SLC24A3: variants seen among roughly 807,000 people sequenced by gnomAD.
The protein encoded by SLC24A3 is solute carrier family 24 member 3.
In SLC24A3, 28 loss-of-function variants were observed where a neutral mutation model predicts 75.8. That is an observed-to-expected ratio of 0.37 (90% CI 0.27 to 0.51). The LOEUF (loss-of-function observed/expected upper bound fraction) is 0.51, where lower values mean the gene tolerates loss of function less well. SLC24A3 is among the 20% of genes least tolerant of loss of function. The probability of loss-of-function intolerance (pLI) is 0.94; values close to 1 mark genes in which losing one functional copy is unlikely to be tolerated. For synonymous variants in SLC24A3, 372 were observed against 334.1 expected (o/e 1.11, Z -1.24); for missense variants, 663 against 847.8 (o/e 0.78, Z 2.71).
intron 15 of SLC24A3, among the ~76,000 whole-genome samples, chr20:19,705,724 A>G (rs904921543): frequency 6.6e-6 from 1 of 152,034 alleles, no homozygotes; most frequent in African/African-American, 2.4e-5. Flanking sequence ...TCTCATCTAG[A>G]TGGGATTTCC....
intron 3 of SLC24A3, among the ~76,000 whole-genome samples, chr20:19,550,298 T>G (rs1161780044): frequency 6.6e-6 from 1 of 152,248 alleles, no homozygotes; most frequent in East Asian, 1.9e-4. Flanking sequence ...TTAAAAAAAA[T>G]TAGAGGAAAA....
At position 19,658,983 on chromosome 20, in the gene SLC24A3, T is replaced by C. The variant is rs148766977; in HGVS notation, c.687+4847T>C. ...TACATAATGAGGTAATTTACATAAA[T>C]GCAAATGATTCATTACATAGGCAGT... On this transcript the variant is annotated intron_variant, in intron 7 of 16. Transcript: ENST00000328041. Among the ~76,000 whole-genome samples, 450 of 152,356 alleles carry C rather than the reference T, an allele frequency of 3.0e-3. 3 individuals carry two copies. The highest frequency in any genetic ancestry group is 0.01 in the African/African-American group (432 of 41,578).
intron 3 of SLC24A3, among the ~76,000 whole-genome samples, chr20:19,535,262 G>A (rs1451966484): frequency 6.6e-6 from 1 of 152,118 alleles, no homozygotes; most frequent in African/African-American, 2.4e-5. Flanking sequence ...TGATTCCCTT[G>A]GTCAGTAATT....
intron 2 of SLC24A3, among the ~76,000 whole-genome samples, chr20:19,325,795 T>TATATATAGAGAGAG (rs1251419875): frequency 8.9e-5 from 6 of 67,794 alleles, no homozygotes; most frequent in East Asian, 6.3e-4. Flanking sequence ...TATATATATA[T>TATATATAGAGAGAG]AGAGAGAGAG....
At chr20:19,595,571 T>A (rs1177449521) in intron 6 of SLC24A3, among the ~76,000 whole-genome samples, 1 of 152,168 alleles carries the variant, frequency 6.6e-6, no homozygotes, top group African/African-American at 2.4e-5. Context: ...TGGGTAGCAT[T>A]TGAGACACAG....
At chr20:19,523,340 T>C (rs1211811587) in intron 3 of SLC24A3, among the ~76,000 whole-genome samples, 1 of 152,148 alleles carries the variant, frequency 6.6e-6, no homozygotes, top group South Asian at 2.1e-4. Flanking sequence ...AAGAGAAAAA[T>C]GATTAGAATA....
rs1983823728 is a variant in SLC24A3 at position 19,286,547 on chromosome 20, A to G, written c.271+5460A>G. 2.6e-5 allele frequency among the ~76,000 whole-genome samples: 4 copies of G among 152,192 alleles called. No individual in the cohort carries two copies. In the South Asian group the frequency reaches 8.3e-4, roughly 32 times the overall value. On this transcript the variant is annotated intron_variant, in intron 2 of 16. Coordinates refer to ENST00000328041, the MANE Select transcript of SLC24A3 (RefSeq NM_020689.4). Reference sequence around the variant, plus strand: ...TTGTCATCTTTTACATGAAAAAAACAAGAACCAGAGGGGATAAACAACCGC... The same window carrying G: ...TTGTCATCTTTTACATGAAAAAAACGAGAACCAGAGGGGATAAACAACCGC...
rs566837693 is a variant in SLC24A3 at position 19,346,789 on chromosome 20, A to G, written c.271+65702A>G. On this transcript the variant is annotated intron_variant, in intron 2 of 16. Coordinates refer to ENST00000328041, the MANE Select transcript of SLC24A3 (RefSeq NM_020689.4). ...ACAGAAATCTCAGAAATCACCACTGAAGAAATTATTCATGTAACCAAACAC... is the reference window on the plus strand; with the variant it reads ...ACAGAAATCTCAGAAATCACCACTGGAGAAATTATTCATGTAACCAAACAC... Among the ~76,000 whole-genome samples, 3 of 152,294 alleles carry G rather than the reference A, an allele frequency of 2.0e-5. No homozygotes were observed. The South Asian group carries it at 6.2e-4, about 32-fold the overall frequency.
In SLC24A3 at chr20:19,526,960, A is replaced by C. The variant is rs192696749; in HGVS notation, c.348+11396A>C. On this transcript the variant is annotated intron_variant, in intron 3 of 16. Transcript: ENST00000328041. ...TTTTATTTCAGTATCCCCATAATCCATGTGATGACTATGTTTGCAGTCTTG... is the reference window on the plus strand; with the variant it reads ...TTTTATTTCAGTATCCCCATAATCCCTGTGATGACTATGTTTGCAGTCTTG... Among the ~76,000 whole-genome samples the C allele has an allele frequency of 2.0e-5, 3 of 152,120 alleles. No individual in the cohort carries two copies. The East Asian group carries it at 5.8e-4, about 29-fold the overall frequency.
chr20:19,427,091 CTGTG>C (rs759714436), intron 2 of SLC24A3, among the ~76,000 whole-genome samples: 6 of 151,930 alleles, frequency 3.9e-5, no homozygotes, highest in Non-Finnish European at 7.4e-5. Flanking sequence ...GCGTGTGTCT[CTGTG>C]TGCATGTGTA....
At chr20:19,617,292 C>T (rs1212149814) in intron 6 of SLC24A3, among the ~76,000 whole-genome samples, 1 of 152,154 alleles carries the variant, frequency 6.6e-6, no homozygotes, top group Admixed American at 6.5e-5. Flanking sequence ...TGCTGTGCCA[C>T]CCACCTCTGC....
chr20:19,684,980 C>A, intron 11 of SLC24A3, 120 bp from the exon 12 acceptor site: 2 of 1,309,348 alleles, frequency 1.5e-6, no homozygotes, highest in East Asian at 2.4e-5. Context: ...AAACTTGACT[C>A]CAGGGTCTTC....
chr20:19,721,498 A>C lies in SLC24A3; in HGVS notation c.*358A>C. Reference sequence around the variant, plus strand: ...CCCTCCTCCTTTTTTAAGTTATTTGATGGAAGACTCACCTAATTTGTGACC... The same window carrying C: ...CCCTCCTCCTTTTTTAAGTTATTTGCTGGAAGACTCACCTAATTTGTGACC... On this transcript the variant is annotated 3_prime_UTR_variant, in exon 17 of 17. Transcript: ENST00000328041. The C allele has an allele frequency of 5.0e-6, 1 of 200,962 alleles. No homozygotes were observed. Among genetic ancestry groups the C allele is most frequent in the Non-Finnish European group, 1.0e-5 (1 of 99,974 alleles). 12.4% of individuals were successfully genotyped at this position (200,962 alleles called of 1,614,324 possible).
At chr20:19,313,139 C>T (rs1045622127) in intron 2 of SLC24A3, among the ~76,000 whole-genome samples, 2 of 143,380 alleles carry the variant, frequency 1.4e-5, no homozygotes, top group African/African-American at 5.2e-5. Flanking sequence ...CAGGTTCAAG[C>T]GATTCTTCCC....
intron 1 of SLC24A3, among the ~76,000 whole-genome samples, chr20:19,262,535 C>G (rs889636946): frequency 2.6e-5 from 4 of 152,102 alleles, no homozygotes; most frequent in African/African-American, 9.7e-5. Context: ...AATGGGGCCA[C>G]TTACCTCTCC....
At chr20:19,404,901 A>T (rs1986615825) in intron 2 of SLC24A3, among the ~76,000 whole-genome samples, 1 of 152,034 alleles carries the variant, frequency 6.6e-6, no homozygotes, top group African/African-American at 2.4e-5. Context: ...CAAGCCTATT[A>T]GGGTTGAAAT....
intron 2 of SLC24A3, among the ~76,000 whole-genome samples, chr20:19,358,796 G>A (rs758131614): frequency 7.2e-5 from 11 of 152,078 alleles, no homozygotes; most frequent in Non-Finnish European, 1.3e-4. Flanking sequence ...CCAGGCCCCC[G>A]GCAGTCACCA....
intron 6 of SLC24A3, among the ~76,000 whole-genome samples, chr20:19,611,302 G>A (rs912318189): frequency 6.6e-6 from 1 of 152,220 alleles, no homozygotes; most frequent in Non-Finnish European, 1.5e-5. Context: ...AGTCATTAGA[G>A]TGAAGGTCAA....
chr20:19,446,899 TTG>T (rs1987397066), intron 2 of SLC24A3, among the ~76,000 whole-genome samples: 1 of 152,226 alleles, frequency 6.6e-6, no homozygotes, highest in East Asian at 1.9e-4. Context: ...TTATCCCACT[TTG>T]TGTCATTAAA....
Sources: gnomAD v4.1 joint callset for allele counts (sites outside exome capture counted in the v4.1 genomes callset) on GRCh38, gnomAD v4.1.1 for gene constraint, MANE v1.5 for transcripts, NCBI Gene and HGNC (gene_info 2026-07-23, HGNC 2026-07-21) for gene names.